The following IMMP2L variants were observed in gnomAD, a reference collection of about 807,000 sequenced individuals.
IMMP2L encodes the protein inner mitochondrial membrane peptidase subunit 2.
Under a neutral mutation model 19.3 loss-of-function variants are expected in IMMP2L, and 18 were observed. The observed-to-expected ratio is 0.93, with a 90% CI of 0.64 to 1.38. The LOEUF (loss-of-function observed/expected upper bound fraction) is 1.38. IMMP2L is among the 40% of genes most tolerant of loss of function. The pLI is 0.00. For synonymous variants in IMMP2L, 76 were observed against 73.0 expected, an observed-to-expected ratio of 1.04 and a Z score of -0.21; for missense variants, 233 against 218.2, an observed-to-expected ratio of 1.07 and a Z score of -0.43.
chr7:110,764,006 G>T (rs1448475379), intron 5 of IMMP2L, among the ~76,000 whole-genome samples: 1 of 152,062 alleles, frequency 6.6e-6, no homozygotes, highest in Non-Finnish European at 1.5e-5. Flanking sequence ...GAACAAATGG[G>T]GTGCAGATTA....
intron 3 of IMMP2L, among the ~76,000 whole-genome samples, chr7:111,342,500 G>A (rs1827119841): frequency 6.6e-6 from 1 of 152,090 alleles, no homozygotes; most frequent in South Asian, 2.1e-4. Context: ...GCTGAGGTAG[G>A]AGAATCCCTT....
At chr7:111,138,246 T>C (rs1186440819) in intron 3 of IMMP2L, among the ~76,000 whole-genome samples, 1 of 152,190 alleles carries the variant, frequency 6.6e-6, no homozygotes, top group Non-Finnish European at 1.5e-5. Context: ...AATCTTGATG[T>C]TTTTGTTCCA....
chr7:111,304,669 AATGTGT>A (rs1296909495), intron 3 of IMMP2L, among the ~76,000 whole-genome samples: 4 of 60,624 alleles, frequency 6.6e-5, no homozygotes, highest in Middle Eastern at 8.6e-3. Context: ...ACACATATAT[AATGTGT>A]GTGTGTGTGT....
intron 4 of IMMP2L, among the ~76,000 whole-genome samples, chr7:110,928,882 T>C (rs1413947313): frequency 1.3e-5 from 2 of 152,130 alleles, no homozygotes; most frequent in Non-Finnish European, 2.9e-5. Flanking sequence ...AGAATCTATG[T>C]ATTAAGCAAA....
chr7:110,964,411 A>G (rs1819312552), intron 3 of IMMP2L, among the ~76,000 whole-genome samples: 1 of 152,090 alleles, frequency 6.6e-6, no homozygotes, highest in African/African-American at 2.4e-5. Context: ...AAAATAAAGA[A>G]TTAGAGAATT....
At chr7:111,235,757 A>G (rs1231762184) in intron 3 of IMMP2L, among the ~76,000 whole-genome samples, 2 of 151,716 alleles carry the variant, frequency 1.3e-5, no homozygotes, top group Non-Finnish European at 2.9e-5. Flanking sequence ...CCATTTTTTC[A>G]AATATTTCAG....
chr7:111,184,058 G>T (rs1041171590), intron 3 of IMMP2L, among the ~76,000 whole-genome samples: 2 of 152,004 alleles, frequency 1.3e-5, no homozygotes, highest in African/African-American at 4.8e-5. Context: ...TATGGAAATA[G>T]AAAGTATCCA....
At chr7:111,556,960 T>C (rs1791439346) in intron 1 of IMMP2L, among the ~76,000 whole-genome samples, 1 of 152,036 alleles carries the variant, frequency 6.6e-6, no homozygotes. Flanking sequence ...TTGAACTCAT[T>C]CTCTTCTCCC....
chr7:111,372,558 G>C (rs987976454), intron 3 of IMMP2L, among the ~76,000 whole-genome samples: 1 of 151,900 alleles, frequency 6.6e-6, no homozygotes, highest in African/African-American at 2.4e-5. Context: ...AGATGGAGCT[G>C]ACTGCCTGTA....
chr7:111,325,527 G>A (rs1825219094), intron 3 of IMMP2L, among the ~76,000 whole-genome samples: 1 of 151,406 alleles, frequency 6.6e-6, no homozygotes, highest in Admixed American at 6.6e-5. Context: ...TCATCATGTG[G>A]ACCTACCAAA....
chr7:111,293,450 T>G (rs1296872524), intron 3 of IMMP2L, among the ~76,000 whole-genome samples: 3 of 151,776 alleles, frequency 2.0e-5, no homozygotes, highest in Admixed American at 2.0e-4. Flanking sequence ...TTCCTGACAT[T>G]TGACCTCTTG....
chr7:111,287,098 G>A (rs1351868277), intron 3 of IMMP2L, among the ~76,000 whole-genome samples: 1 of 152,078 alleles, frequency 6.6e-6, no homozygotes, highest in Non-Finnish European at 1.5e-5. Context: ...AAGGTGCTAT[G>A]AAACCATTCT....
intron 4 of IMMP2L, chr7:110,962,651 G>A: frequency 1.1e-5 from 9 of 832,058 alleles, no homozygotes; most frequent in Non-Finnish European, 1.3e-5. Flanking sequence ...GCCCCCAGTG[G>A]GGATCCCCTG....
chr7:110,728,003 G>C lies in IMMP2L; in HGVS notation c.409-64282C>G, dbSNP rs910491190. Among the ~76,000 whole-genome samples, 4 of 152,328 alleles carry C rather than the reference G, an allele frequency of 2.6e-5. No homozygotes were observed. The South Asian group carries it at 8.3e-4, about 32-fold the overall frequency. On this transcript the variant is annotated intron_variant, in intron 5 of 5. Coordinates refer to ENST00000405709, the MANE Select transcript of IMMP2L (RefSeq NM_032549.4). This position sits in a 1 kb window ranked among gnomAD's most constrained non-coding sequence, Gnocchi z 4.6. ...TTGTAAAAGGCAGCACAGGAAGCTT[G>C]AGTCTGGCTTTGGAGCCAGTTTACC...
intron 3 of IMMP2L, among the ~76,000 whole-genome samples, chr7:111,236,604 G>T (rs979127413): frequency 6.6e-6 from 1 of 152,082 alleles, no homozygotes; most frequent in Non-Finnish European, 1.5e-5. Context: ...GTCCTCAGCT[G>T]AGGGCTGTAC....
intron 3 of IMMP2L, among the ~76,000 whole-genome samples, chr7:111,103,720 T>C (rs1450699842): frequency 2.0e-5 from 3 of 151,704 alleles, no homozygotes; most frequent in African/African-American, 7.2e-5. Context: ...CCACTCTGTA[T>C]GTGTCGGGTG....
chr7:111,029,409 G>T (rs1827176966), intron 3 of IMMP2L, among the ~76,000 whole-genome samples: 1 of 152,124 alleles, frequency 6.6e-6, no homozygotes. Context: ...TGAAAAAATG[G>T]AAACATAAAA....
Position 111,461,472 on chromosome 7 carries a change from A to G in IMMP2L, c.239+25766T>C, listed in dbSNP as rs1305853161. Among the ~76,000 whole-genome samples the G allele has an allele frequency of 4.6e-5, 7 of 152,176 alleles. No homozygotes were observed. In the East Asian group the frequency reaches 7.7e-4, roughly 17 times the overall value. ...AGTATTTTTATGGCTCTTGCTACAC[A>G]TTGCCAAGTTGCTTCCCTAAAGAGT... On this transcript the variant is annotated intron_variant, in intron 3 of 5. Coordinates refer to ENST00000405709, the MANE Select transcript of IMMP2L (RefSeq NM_032549.4).
chr7:110,823,529 A>G (rs1370442663), intron 5 of IMMP2L, among the ~76,000 whole-genome samples: 1 of 152,086 alleles, frequency 6.6e-6, no homozygotes, highest in Non-Finnish European at 1.5e-5. Context: ...TTTATCCTAA[A>G]GACAAGCTTA....
Sources: gnomAD v4.1 joint callset for allele counts (sites outside exome capture counted in the v4.1 genomes callset) on GRCh38, gnomAD v4.1.1 for gene constraint, Gnocchi (gnomAD v3.1) non-coding constraint, MANE v1.5 for transcripts, NCBI Gene and HGNC (gene_info 2026-07-23, HGNC 2026-07-21) for gene names.